STAU2: variants seen among roughly 807,000 people sequenced by gnomAD.
The protein encoded by STAU2 is double-stranded RNA-binding protein Staufen homolog 2.
STAU2 carries 20 observed loss-of-function variants against 65.9 expected under a neutral mutation model. That is an observed-to-expected ratio of 0.30 (90% CI 0.21 to 0.44). STAU2 has a LOEUF of 0.44. Ranked by LOEUF, STAU2 falls within the 20% of genes least tolerant of loss-of-function variation. The probability of loss-of-function intolerance (pLI) is 1.00; values close to 1 mark genes in which losing one functional copy is unlikely to be tolerated. For missense variants in STAU2, 558 were observed against 683.9 expected (o/e 0.82, Z 2.05); for synonymous variants, 232 against 233.9 (o/e 0.99, Z 0.07).
intron 5 of STAU2, among the ~76,000 whole-genome samples, chr8:73,676,506 G>A (rs972987125): frequency 2.6e-5 from 4 of 152,158 alleles, no homozygotes; most frequent in African/African-American, 7.2e-5. Context: ...AAGAGACACA[G>A]GTGTATTAAA....
At chr8:73,565,182 T>G (rs570842348) in intron 12 of STAU2, among the ~76,000 whole-genome samples, 1 of 152,332 alleles carries the variant, frequency 6.6e-6, no homozygotes, top group East Asian at 1.9e-4. Context: ...GTCCCAGTGT[T>G]GGAGGAGGGG....
At chr8:73,522,497 G>C (rs1823092669) in intron 13 of STAU2, among the ~76,000 whole-genome samples, 1 of 152,110 alleles carries the variant, frequency 6.6e-6, no homozygotes, top group South Asian at 2.1e-4. Context: ...TGACTGACAA[G>C]TTCAAAATTT....
chr8:73,523,390 G>A (rs754352592), intron 13 of STAU2, among the ~76,000 whole-genome samples: 18 of 151,834 alleles, frequency 1.2e-4, no homozygotes, highest in Non-Finnish European at 1.6e-4. Flanking sequence ...ATACGAGTAC[G>A]TGATAAAGCA....
chr8:73,475,651 T>C (rs755042582), intron 13 of STAU2, among the ~76,000 whole-genome samples: 3 of 152,232 alleles, frequency 2.0e-5, no homozygotes, highest in Non-Finnish European at 4.4e-5. Context: ...ATTTTCTTAC[T>C]GATATGTGAT....
chr8:73,585,848 G>A (rs1242586038), intron 11 of STAU2, among the ~76,000 whole-genome samples: 1 of 152,320 alleles, frequency 6.6e-6, no homozygotes. Context: ...AGAGATAACT[G>A]AATCAAGTGG....
chr8:73,697,854 T>C (rs1260126370), intron 4 of STAU2, among the ~76,000 whole-genome samples: 1 of 152,094 alleles, frequency 6.6e-6, no homozygotes, highest in East Asian at 1.9e-4. Context: ...CCAAGGCAGG[T>C]AGACTGCTTG....
chr8:73,634,100 AT>A (rs1414409487), intron 6 of STAU2, among the ~76,000 whole-genome samples: 2 of 152,330 alleles, frequency 1.3e-5, no homozygotes, highest in Middle Eastern at 3.4e-3. Context: ...CTCATTCATA[AT>A]CAAAGAAATG....
chr8:73,544,320 T>G (rs61338828), intron 13 of STAU2, among the ~76,000 whole-genome samples: 2,100 of 152,338 alleles, frequency 0.014, 35 homozygotes, highest in African/African-American at 0.047. Context: ...GTCTTTCTAT[T>G]ATCAAGTCTG....
At chr8:73,549,288 T>C (rs559102536) in intron 13 of STAU2, among the ~76,000 whole-genome samples, 1 of 152,154 alleles carries the variant, frequency 6.6e-6, no homozygotes, top group African/African-American at 2.4e-5. Context: ...TAATACTTGA[T>C]AAAACTTGAA....
chr8:73,712,283 C>A (rs973346870), intron 3 of STAU2, among the ~76,000 whole-genome samples: 1 of 152,132 alleles, frequency 6.6e-6, no homozygotes, highest in Non-Finnish European at 1.5e-5. Context: ...AATGGATTCA[C>A]AATCTCAGAC....
chr8:73,747,187 C>T, upstream of STAU2: 1 of 564,010 alleles, frequency 1.8e-6, no homozygotes, highest in Non-Finnish European at 2.9e-6. Flanking sequence ...GGGGCTTGGG[C>T]ACGCGGGCGA....
chr8:73,551,700 A>C, intron 13 of STAU2: 1 of 1,028,588 alleles, frequency 9.7e-7, no homozygotes. Flanking sequence ...TGTGGAAGAC[A>C]GAGCGAAGAG....
intron 13 of STAU2, among the ~76,000 whole-genome samples, chr8:73,518,955 G>T (rs138265385): frequency 6.6e-6 from 1 of 152,158 alleles, no homozygotes; most frequent in East Asian, 1.9e-4. Context: ...CAACAAATAC[G>T]AAAGCACTTT....
intron 13 of STAU2, among the ~76,000 whole-genome samples, chr8:73,528,892 T>C (rs933240217): frequency 1.3e-5 from 2 of 152,100 alleles, no homozygotes; most frequent in Non-Finnish European, 2.9e-5. Flanking sequence ...TTTAATCATG[T>C]ATAATATGGA....
intron 6 of STAU2, among the ~76,000 whole-genome samples, chr8:73,645,516 A>C (rs1430117344): frequency 1.3e-5 from 2 of 152,250 alleles, no homozygotes; most frequent in Admixed American, 6.5e-5. Flanking sequence ...TGTTTTGTAC[A>C]TGAAGAATGA....
chr8:73,677,619 C>G (rs774804798), intron 5 of STAU2, among the ~76,000 whole-genome samples: 4 of 152,124 alleles, frequency 2.6e-5, no homozygotes, highest in African/African-American at 7.2e-5. Context: ...CACAACTAAT[C>G]TGGTAGAAAT....
At chr8:73,597,030 C>T (rs1811235220) in intron 10 of STAU2, among the ~76,000 whole-genome samples, 1 of 151,962 alleles carries the variant, frequency 6.6e-6, no homozygotes, top group African/African-American at 2.4e-5. Flanking sequence ...CCGTTAACAG[C>T]TTACAGGAGG....
chr8:73,473,922 A>C (rs1232885116), intron 13 of STAU2, among the ~76,000 whole-genome samples: 1 of 152,198 alleles, frequency 6.6e-6, no homozygotes, highest in Non-Finnish European at 1.5e-5. Flanking sequence ...TCCAGCTACA[A>C]AATAATAAAT....
At chr8:73,656,088 A>C (rs1816349995) in intron 6 of STAU2, among the ~76,000 whole-genome samples, 1 of 152,176 alleles carries the variant, frequency 6.6e-6, no homozygotes, top group South Asian at 2.1e-4. Flanking sequence ...AGGCCACATA[A>C]TTTTTAAACA....
Sources: allele counts gnomAD v4.1 joint callset (sites outside exome capture counted in the v4.1 genomes callset), GRCh38; gene constraint gnomAD v4.1.1; transcripts MANE v1.5; gene names NCBI Gene and HGNC (gene_info 2026-07-23, HGNC 2026-07-21).